The following MAGI2 variants were observed in gnomAD, a reference collection of about 807,000 sequenced individuals.
MAGI2 encodes membrane-associated guanylate kinase, WW and PDZ domain-containing protein 2.
A neutral mutation model predicts 133.3 loss-of-function variants in MAGI2; 35 were observed. The observed-to-expected ratio is 0.26, with a 90% CI of 0.20 to 0.35. The LOEUF is 0.35. MAGI2 is among the 10% of genes least tolerant of loss of function. MAGI2 has a pLI of 1.00. For synonymous variants in MAGI2, 729 were observed against 710.6 expected, an observed-to-expected ratio of 1.03 and a Z score of -0.41; for missense variants, 1,636 against 1,863.4, an observed-to-expected ratio of 0.88 and a Z score of 2.25.
intron 1 of MAGI2, among the ~76,000 whole-genome samples, chr7:79,135,237 A>G (rs1821286322): frequency 6.7e-6 from 1 of 150,116 alleles, no homozygotes; most frequent in Non-Finnish European, 1.5e-5. Flanking sequence ...GAAAAAAAAC[A>G]GTATCAGGGA....
chr7:78,202,137 T>C (rs1208128466), intron 10 of MAGI2, among the ~76,000 whole-genome samples: 1 of 152,078 alleles, frequency 6.6e-6, no homozygotes, highest in Non-Finnish European at 1.5e-5. Context: ...TAGTATAAGG[T>C]AGTTTCTGAT....
chr7:78,825,109 T>A (rs1287020394), intron 2 of MAGI2, among the ~76,000 whole-genome samples: 1 of 152,074 alleles, frequency 6.6e-6, no homozygotes, highest in African/African-American at 2.4e-5. Context: ...GACAAACACC[T>A]AATGCATGCT....
At chr7:78,459,623 T>G (rs1224232306) in intron 6 of MAGI2, among the ~76,000 whole-genome samples, 1 of 152,252 alleles carries the variant, frequency 6.6e-6, no homozygotes, top group Non-Finnish European at 1.5e-5. Context: ...TAATTAAGTG[T>G]GCAATGAATC....
intron 1 of MAGI2, chr7:79,124,660 AGTTACGGAGATAAT>A (rs1584984842): frequency 6.6e-6 from 1 of 152,590 alleles, no homozygotes; most frequent in Non-Finnish European, 1.5e-5. Flanking sequence ...TATTGTCACA[AGTTACGGAGATAAT>A]GTTCCTTAGC....
At chr7:78,154,615 C>G (rs746923734) in intron 16 of MAGI2, among the ~76,000 whole-genome samples, 2 of 152,128 alleles carry the variant, frequency 1.3e-5, no homozygotes, top group South Asian at 4.1e-4. Flanking sequence ...CAACCTCCAC[C>G]ACCGATACCC....
At chr7:79,446,129 A>G (rs1307892542) in intron 1 of MAGI2, among the ~76,000 whole-genome samples, 1 of 152,208 alleles carries the variant, frequency 6.6e-6, no homozygotes, top group Non-Finnish European at 1.5e-5. Context: ...GAACACATGG[A>G]CACAGGAAGG....
At chr7:78,218,012 G>A (rs1212467800) in intron 10 of MAGI2, among the ~76,000 whole-genome samples, 1 of 152,190 alleles carries the variant, frequency 6.6e-6, no homozygotes, top group African/African-American at 2.4e-5. Context: ...ACCCTCTGAT[G>A]TCCCACATGG....
At chr7:79,101,682 C>T (rs1324319818) in intron 1 of MAGI2, among the ~76,000 whole-genome samples, 2 of 147,918 alleles carry the variant, frequency 1.4e-5, no homozygotes, top group Non-Finnish European at 3.0e-5. Context: ...CGAGATCGCG[C>T]CACCGCACTC....
chr7:79,352,596 G>A (rs562553072), intron 1 of MAGI2, among the ~76,000 whole-genome samples: 1 of 152,302 alleles, frequency 6.6e-6, no homozygotes, highest in East Asian at 1.9e-4. Context: ...TGGGATCTCT[G>A]TTCCCATAGT....
chr7:78,399,393 C>T (rs554571254), intron 6 of MAGI2, among the ~76,000 whole-genome samples: 3 of 152,278 alleles, frequency 2.0e-5, no homozygotes, highest in African/African-American at 7.2e-5. Context: ...CTGTGAAATG[C>T]ACAAAAATGT....
chr7:79,229,150 A>AAC (rs1174832176), intron 1 of MAGI2, among the ~76,000 whole-genome samples: 3 of 151,920 alleles, frequency 2.0e-5, no homozygotes, highest in African/African-American at 7.2e-5. Flanking sequence ...GGAAAAAAAA[A>AAC]AACAACAACA....
At chr7:78,493,150 A>G (rs1793774108) in intron 5 of MAGI2, among the ~76,000 whole-genome samples, 1 of 152,188 alleles carries the variant, frequency 6.6e-6, no homozygotes, top group Non-Finnish European at 1.5e-5. Flanking sequence ...GTGAAATTTC[A>G]GTCAAGTCCG....
At chr7:78,162,582 G>A (rs1410402121) in intron 15 of MAGI2, among the ~76,000 whole-genome samples, 2 of 150,886 alleles carry the variant, frequency 1.3e-5, no homozygotes, top group African/African-American at 4.9e-5. Flanking sequence ...TGCAGTAAAA[G>A]GCTGGGAGTG....
chr7:79,142,730 C>A (rs145537770), intron 1 of MAGI2, among the ~76,000 whole-genome samples: 2 of 152,150 alleles, frequency 1.3e-5, no homozygotes, highest in Non-Finnish European at 2.9e-5. Flanking sequence ...GACACTCTAC[C>A]GTTAAGCATG....
At chr7:78,848,368 C>T (rs1464365182) in intron 2 of MAGI2, among the ~76,000 whole-genome samples, 1 of 151,940 alleles carries the variant, frequency 6.6e-6, no homozygotes, top group Non-Finnish European at 1.5e-5. Flanking sequence ...ACAATGTTTT[C>T]CATCTCAGAT....
intron 2 of MAGI2, among the ~76,000 whole-genome samples, chr7:78,903,290 T>C (rs1584341200): frequency 6.9e-6 from 1 of 145,688 alleles, no homozygotes; most frequent in South Asian, 2.3e-4. Context: ...GCCTCCCGGG[T>C]TCACGCCATT....
intron 9 of MAGI2, among the ~76,000 whole-genome samples, chr7:78,283,966 TATTTTTC>T (rs1795889505): frequency 6.6e-6 from 1 of 152,138 alleles, no homozygotes; most frequent in African/African-American, 2.4e-5. Flanking sequence ...CAGGAGTAAT[TATTTTTC>T]ATTTTTCACT....
At chr7:78,319,180 TAA>T (rs1424073798) in intron 9 of MAGI2, among the ~76,000 whole-genome samples, 1 of 152,128 alleles carries the variant, frequency 6.6e-6, no homozygotes, top group African/African-American at 2.4e-5. Flanking sequence ...GCAAATTCGA[TAA>T]AGAGTCAAGA....
At chr7:78,909,625 AAG>A in intron 2 of MAGI2, among the ~76,000 whole-genome samples, 2 of 150,458 alleles carry the variant, frequency 1.3e-5, no homozygotes, top group Non-Finnish European at 3.0e-5. Context: ...AAAAAAAAAA[AAG>A]TCAAGAAACA....
Sources: gnomAD v4.1 joint callset for allele counts (sites outside exome capture counted in the v4.1 genomes callset) on GRCh38, gnomAD v4.1.1 for gene constraint, MANE v1.5 for transcripts, NCBI Gene and HGNC (gene_info 2026-07-23, HGNC 2026-07-21) for gene names.